HIC1: variants seen among roughly 807,000 people sequenced by gnomAD.
HIC1 encodes the protein hypermethylated in cancer 1 protein.
Under a neutral mutation model 26.4 loss-of-function variants are expected in HIC1, and 9 were observed. The ratio of observed to expected loss-of-function variants is 0.34; its 90% confidence interval spans 0.21 to 0.59. The LOEUF (loss-of-function observed/expected upper bound fraction) is 0.59, where lower values mean the gene tolerates loss of function less well. HIC1 is among the 20% of genes least tolerant of loss of function. The pLI is 0.82. For synonymous variants in HIC1, 631 were observed against 523.1 expected, an observed-to-expected ratio of 1.21 and a Z score of -2.81; for missense variants, 965 against 1,075.7, an observed-to-expected ratio of 0.90 and a Z score of 1.44.
At position 2,057,210 on chromosome 17, in the gene HIC1, G is replaced by T. The variant is rs1483888191; in HGVS notation, c.520G>T (p.Val174Phe). ...CATCCAGGCCTGCTACCCGTCCCCA[G>T]TCGGGCCTCCGCCGCCGCCTGCCGC... The part of the protein sequence containing the change: ...PVIQACYPSP[V>F]GPPPPPAAEP... The change falls in exon 2 of 2, where the codon GTC becomes TTC. Residue 174 changes from valine to phenylalanine, a missense_variant. By Grantham distance (50) the Val-to-Phe change is conservative. Around this residue, in one of 6 missense-constraint regions of HIC1, gnomAD observed 526 missense variants for 525.0 expected, o/e 1.00. Coordinates refer to ENST00000619757, the MANE Select transcript of HIC1 (RefSeq NM_006497.4). The T allele has an allele frequency of 6.5e-6, 9 of 1,392,952 alleles. No homozygotes were observed. The highest frequency in any genetic ancestry group is 3.1e-5 in the Admixed American group (1 of 32,230). The allele number at this position is 1,392,952 out of a possible 1,614,324, so 86.3% of individuals were successfully genotyped here.
intron 1 of HIC1, chr17:2,056,253 G>A: frequency 6.8e-7 from 1 of 1,470,278 alleles, no homozygotes; most frequent in Non-Finnish European, 9.5e-7. Context: ...CCCGAGGCGG[G>A]AGGCGCTGGT....
rs1361010776 is a variant in HIC1 at position 2,061,341 on chromosome 17, C to A, written c.*2506C>A. The A allele has an allele frequency of 3.9e-6, 3 of 764,446 alleles. No individual in the cohort carries two copies. The highest frequency in any genetic ancestry group is 6.2e-6 in the Non-Finnish European group (3 of 485,612). 47.4% of individuals were successfully genotyped at this position (764,446 alleles called of 1,614,324 possible). The stretch of plus-strand genomic sequence containing the variant: ...GGGGCTCTGTGAGGAGCAGGTCCCC[C>A]ACAGCATGGCCGTGGCGTGGGTTGG... On this transcript the variant is annotated 3_prime_UTR_variant, in exon 2 of 2. Transcript: ENST00000619757.
Position 2,058,568 on chromosome 17 carries a change from C to T in HIC1, c.1878C>T (p.Phe626=), listed in dbSNP as rs755582494. 7.1e-6 allele frequency: 11 copies of T among 1,556,372 alleles called. No homozygotes were observed. Among genetic ancestry groups the T allele is most frequent in the Non-Finnish European group, 9.5e-6 (11 of 1,158,946 alleles). The part of the protein sequence containing the change: ...PGPDGKGKLD[F]PEGVFAVARL... Reference sequence around the variant, plus strand: ...CCGACGGCAAGGGCAAGCTCGACTTCCCCGAGGGCGTCTTTGCTGTGGCTC... The same window carrying T: ...CCGACGGCAAGGGCAAGCTCGACTTTCCCGAGGGCGTCTTTGCTGTGGCTC... Residue 626 remains phenylalanine, a synonymous_variant, in exon 2 of 2, where the codon TTC becomes TTT. Coordinates refer to ENST00000619757, the MANE Select transcript of HIC1 (RefSeq NM_006497.4).
chr17:2,061,467 G>T lies in HIC1; in HGVS notation c.*2632G>T, dbSNP rs751395020. 10 of 1,559,670 alleles carry T rather than the reference G, an allele frequency of 6.4e-6. No individual in the cohort carries two copies. The highest frequency in any genetic ancestry group is 2.3e-5 in the South Asian group (2 of 86,184). On this transcript the variant is annotated 3_prime_UTR_variant, in exon 2 of 2. Coordinates refer to ENST00000619757, the MANE Select transcript of HIC1 (RefSeq NM_006497.4). ...GTGGCCTTTCAGGAACGGTTCCACGGGGGGGGGGCCCCAGTGTGGCTCCCT... is the reference window on the plus strand; with the variant it reads ...GTGGCCTTTCAGGAACGGTTCCACGTGGGGGGGGCCCCAGTGTGGCTCCCT...
Position 2,061,828 on chromosome 17 carries a change from C to T in HIC1, c.*2993C>T. 1 of 567,146 alleles carries T rather than the reference C, an allele frequency of 1.8e-6. No homozygotes were observed. Among genetic ancestry groups the T allele is most frequent in the Non-Finnish European group, 3.1e-6 (1 of 320,908 alleles). The allele number at this position is 567,146 out of a possible 1,614,324, so 35.1% of individuals were successfully genotyped here. On this transcript the variant is annotated 3_prime_UTR_variant, in exon 2 of 2. Coordinates refer to ENST00000619757, the MANE Select transcript of HIC1 (RefSeq NM_006497.4). ...TAGAGAGGGCTGCACTGGGCTTCTG[C>T]CTTGACTCCGGCCTCCCATACAGGA...
chr17:2,062,208 G>C lies in HIC1; in HGVS notation c.*3373G>C, dbSNP rs574669034. The C allele has an allele frequency of 1.3e-5, 2 of 152,622 alleles. No individual in the cohort carries two copies. The highest frequency in any genetic ancestry group is 2.9e-5 in the Non-Finnish European group (2 of 68,402). The allele number at this position is 152,622 out of a possible 1,614,324, so 9.5% of individuals were successfully genotyped here. On this transcript the variant is annotated 3_prime_UTR_variant, in exon 2 of 2. Transcript: ENST00000619757. ...GGGCACACCAAGGCTTTGGCCAACCGGTCGCCCCTGCTAAGTAACAGTAAT... is the reference window on the plus strand; with the variant it reads ...GGGCACACCAAGGCTTTGGCCAACCCGTCGCCCCTGCTAAGTAACAGTAAT...
Position 2,057,802 on chromosome 17 carries a change from GCGGCGA to G in HIC1, c.1121_1126del (p.Gly374_Asp375del). The G allele has an allele frequency of 6.5e-7, 1 of 1,543,064 alleles. No homozygotes were observed. The highest frequency in any genetic ancestry group is 8.7e-7 in the Non-Finnish European group (1 of 1,148,970). On this transcript the variant is annotated inframe_deletion, in exon 2 of 2. Transcript: ENST00000619757. The stretch of plus-strand genomic sequence containing the variant: ...GGCAGCCTGGACGGGCCCGGCGCGG[GCGGCGA>G]CGGCGACGACTACAAGAGCAGCAGC...
At position 2,057,750 on chromosome 17, in the gene HIC1, G is replaced by C; in HGVS notation, c.1060G>C (p.Gly354Arg). 7.3e-7 allele frequency: 1 copy of C among 1,369,958 alleles called. No homozygotes were observed. The highest frequency in any genetic ancestry group is 9.3e-7 in the Non-Finnish European group (1 of 1,071,082). 84.9% of individuals were successfully genotyped at this position (1,369,958 alleles called of 1,614,324 possible). Reference protein sequence around the residue: ...AAVSPGGPPLGLAPPPRYPGS... With the variant: ...AAVSPGGPPLRLAPPPRYPGS... The stretch of plus-strand genomic sequence containing the variant: ...CGTCTCGCCCGGGGGGCCCCCGCTC[G>C]GCCTGGCGCCGCCGCCGCGCTACCC... The change falls in exon 2 of 2, where the codon GGC becomes CGC. Residue 354 changes from glycine to arginine, a missense_variant. Coordinates refer to ENST00000619757, the MANE Select transcript of HIC1 (RefSeq NM_006497.4).
At position 2,058,686 on chromosome 17, in the gene HIC1, A is replaced by G; in HGVS notation, c.1996A>G (p.Lys666Glu). The change falls in exon 2 of 2, where the codon AAG (lysine) becomes GAG (glutamate). Residue 666 changes from lysine (K) to glutamate (E), a missense_variant. Around this residue, in one of 6 missense-constraint regions of HIC1, gnomAD observed 210 missense variants for 179.2 expected, o/e 1.17. Coordinates refer to ENST00000619757, the MANE Select transcript of HIC1 (RefSeq NM_006497.4). ...AQTTHFLHDP[K>E]VALESLYPLA... ...GACCACGCACTTCCTGCACGACCCCAAGGTGGCGCTGGAGAGCCTCTACCC... is the reference window on the plus strand; with the variant it reads ...GACCACGCACTTCCTGCACGACCCCGAGGTGGCGCTGGAGAGCCTCTACCC... The G allele has an allele frequency of 1.9e-6, 3 of 1,553,418 alleles. No homozygotes were observed. Among genetic ancestry groups the G allele is most frequent in the Non-Finnish European group, 2.6e-6 (3 of 1,154,398 alleles).
Position 2,055,656 on chromosome 17 carries a change from G to T in HIC1, c.-21+418G>T, listed in dbSNP as rs2067664913. 6.6e-6 allele frequency among the ~76,000 whole-genome samples: 1 copy of T among 151,268 alleles called. No homozygotes were observed. The highest frequency in any genetic ancestry group is 2.4e-5 in the African/African-American group (1 of 41,236). On this transcript the variant is annotated intron_variant, in intron 1 of 1. Coordinates refer to ENST00000619757, the MANE Select transcript of HIC1 (RefSeq NM_006497.4). The surrounding 1 kb of genome is among the most constrained non-coding windows in gnomAD (Gnocchi z 6.4). ...CGGGCCGCGGGGCCCCGCGGGCCAG[G>T]AGGGGAACGGGGTCGGGCGGGCGAG...
In HIC1 at chr17:2,057,207, C is replaced by G; in HGVS notation, c.517C>G (p.Pro173Ala). The change falls in exon 2 of 2, where the codon CCA (proline) becomes GCA (alanine). Residue 173 changes from proline (P) to alanine (A), a missense_variant. Coordinates refer to ENST00000619757, the MANE Select transcript of HIC1 (RefSeq NM_006497.4). The stretch of plus-strand genomic sequence containing the variant: ...GGTCATCCAGGCCTGCTACCCGTCC[C>G]CAGTCGGGCCTCCGCCGCCGCCTGC... ...TPVIQACYPSPVGPPPPPAAE... is the reference protein window; with the variant it reads ...TPVIQACYPSAVGPPPPPAAE... 7.2e-7 allele frequency: 1 copy of G among 1,392,010 alleles called. No individual in the cohort carries two copies. Among genetic ancestry groups the G allele is most frequent in the South Asian group, 1.5e-5 (1 of 66,828 alleles). 86.2% of individuals were successfully genotyped at this position (1,392,010 alleles called of 1,614,324 possible). A position where few individuals can be genotyped will look rare whatever the true frequency, so the allele number is the denominator to read the frequency against.
In HIC1 at chr17:2,061,121, C is replaced by CTTATA; in HGVS notation, c.*2286_*2287insTTATA. On this transcript the variant is annotated 3_prime_UTR_variant, in exon 2 of 2. Transcript: ENST00000619757. ...GAAACTCAGAACCCCTGCCCTGTCTCCACTGGAGAAAGTGGCTGCGTCCCC... is the reference window on the plus strand; with the variant it reads ...GAAACTCAGAACCCCTGCCCTGTCTCTTATACACTGGAGAAAGTGGCTGCGTCCCC... 1 of 210,066 alleles carries CTTATA rather than the reference C, an allele frequency of 4.8e-6. No individual in the cohort carries two copies. Among genetic ancestry groups the CTTATA allele is most frequent in the Non-Finnish European group, 9.9e-6 (1 of 100,884 alleles). 13.0% of individuals were successfully genotyped at this position (210,066 alleles called of 1,614,324 possible).
rs866566302 is a variant in HIC1 at position 2,061,618 on chromosome 17, C to T, written c.*2783C>T. 1.3e-6 allele frequency: 2 copies of T among 1,571,252 alleles called. No homozygotes were observed. The highest frequency in any genetic ancestry group is 1.2e-5 in the South Asian group (1 of 85,754). Reference sequence around the variant, plus strand: ...CCACCTCCCGCAGTAGCCGGATTGGCTCCTCTGTGGGCATGAGAGAGCAGA... The same window carrying T: ...CCACCTCCCGCAGTAGCCGGATTGGTTCCTCTGTGGGCATGAGAGAGCAGA... On this transcript the variant is annotated 3_prime_UTR_variant, in exon 2 of 2. Coordinates refer to ENST00000619757, the MANE Select transcript of HIC1 (RefSeq NM_006497.4).
rs891555952 is a variant in HIC1 at position 2,062,757 on chromosome 17, G to C, written c.*3922G>C. ...ACTGACTGCGTGGGCTGGCGGGGGT[G>C]GGGGGCTGCAAATATCCATGTCGGA... On this transcript the variant is annotated 3_prime_UTR_variant, in exon 2 of 2. Coordinates refer to ENST00000619757, the MANE Select transcript of HIC1 (RefSeq NM_006497.4). 3 of 152,400 alleles carry C rather than the reference G, an allele frequency of 2.0e-5. No individual in the cohort carries two copies. The highest frequency in any genetic ancestry group is 7.2e-5 in the African/African-American group (3 of 41,442). 9.4% of individuals were successfully genotyped at this position (152,400 alleles called of 1,614,324 possible).
rs2067703874 is a variant in HIC1 at position 2,058,871 on chromosome 17, C to G, written c.*36C>G. On this transcript the variant is annotated 3_prime_UTR_variant, in exon 2 of 2. Transcript: ENST00000619757. ...GCCAGCCCGCTCTGTCGCTGCTGCGCGGCCCTGGCCCGCACCCCAGGGAGC... is the reference window on the plus strand; with the variant it reads ...GCCAGCCCGCTCTGTCGCTGCTGCGGGGCCCTGGCCCGCACCCCAGGGAGC... 7.3e-7 allele frequency: 1 copy of G among 1,377,186 alleles called. No homozygotes were observed. Among genetic ancestry groups the G allele is most frequent in the Non-Finnish European group, 9.4e-7 (1 of 1,064,698 alleles). 85.3% of individuals were successfully genotyped at this position (1,377,186 alleles called of 1,614,324 possible).
intron 1 of HIC1, 189 bp from the exon 2 acceptor site, chr17:2,056,482 T>G (rs1057461247): frequency 7.5e-7 from 1 of 1,340,224 alleles, no homozygotes; most frequent in Non-Finnish European, 1.1e-6. Flanking sequence ...CTGCTCCTTC[T>G]CCTGGTCCGG....
rs969852975 is a variant in HIC1 at position 2,059,160 on chromosome 17, A to AG, written c.*330dup. The AG allele has an allele frequency of 2.8e-5, 8 of 286,018 alleles. No individual in the cohort carries two copies. The highest frequency in any genetic ancestry group is 5.5e-5 in the Non-Finnish European group (8 of 145,670). The allele number at this position is 286,018 out of a possible 1,614,324, so 17.7% of individuals were successfully genotyped here. On this transcript the variant is annotated 3_prime_UTR_variant, in exon 2 of 2. Transcript: ENST00000619757. The stretch of plus-strand genomic sequence containing the variant: ...TCCCCCGGCTCCGCGCTGCTCTTAG[A>AG]GGGGGAGGGGTGTCACTGTCGGGGC...
chr17:2,058,331 C>A lies in HIC1; in HGVS notation c.1641C>A (p.Asp547Glu). The A allele has an allele frequency of 6.2e-7, 1 of 1,609,626 alleles. No individual in the cohort carries two copies. The highest frequency in any genetic ancestry group is 8.5e-7 in the Non-Finnish European group (1 of 1,178,596). The change falls in exon 2 of 2, where the codon GAC (aspartate) becomes GAA (glutamate). Residue 547 changes from aspartate to glutamate, a missense_variant. Transcript: ENST00000619757. ...TGGGCCTCAAGCCCTTCGCGTGCGA[C>A]GCGTGCGGCATGCGGTTCACGCGCC... ...SHLGLKPFAC[D>E]ACGMRFTRQY...
At position 2,060,367 on chromosome 17, in the gene HIC1, C is replaced by G. The variant is rs1446899419; in HGVS notation, c.*1532C>G. 1 of 152,262 alleles carries G rather than the reference C, an allele frequency of 6.6e-6. No homozygotes were observed. Among genetic ancestry groups the G allele is most frequent in the African/African-American group, 2.4e-5 (1 of 41,444 alleles). 9.4% of individuals were successfully genotyped at this position (152,262 alleles called of 1,614,324 possible). On this transcript the variant is annotated 3_prime_UTR_variant, in exon 2 of 2. Transcript: ENST00000619757. ...CGGGGAGTGAGGGCAAAGCTAGAAACCAGGTTAGGCGACGGTGCCCCAGCA... is the reference window on the plus strand; with the variant it reads ...CGGGGAGTGAGGGCAAAGCTAGAAAGCAGGTTAGGCGACGGTGCCCCAGCA...
Sources: gnomAD v4.1 joint callset for allele counts (sites outside exome capture counted in the v4.1 genomes callset) on GRCh38, gnomAD v4.1.1 for gene constraint, gnomAD v4.1.1 regional missense constraint, Gnocchi (gnomAD v3.1) non-coding constraint, MANE v1.5 for transcripts, NCBI Gene and HGNC (gene_info 2026-07-23, HGNC 2026-07-21) for gene names.